The following USP34 variants were observed in gnomAD, a reference collection of about 807,000 sequenced individuals.
USP34 encodes the protein ubiquitin carboxyl-terminal hydrolase 34.
A neutral mutation model predicts 460.3 loss-of-function variants in USP34; 70 were observed. That is an observed-to-expected ratio of 0.15 (90% CI 0.13 to 0.19). The LOEUF is 0.19. Among genes scored for constraint, USP34 ranks in the 10% least tolerant of loss-of-function variants. The pLI is 1.00. For synonymous variants in USP34, 1,647 were observed against 1,405.3 expected, an observed-to-expected ratio of 1.17 and a Z score of -3.85; for missense variants, 3,985 against 4,236.2, an observed-to-expected ratio of 0.94 and a Z score of 1.65.
At chr2:61,382,727 T>A (rs942315613) in intron 6 of USP34, among the ~76,000 whole-genome samples, 1 of 152,214 alleles carries the variant, frequency 6.6e-6, no homozygotes, top group African/African-American at 2.4e-5. Flanking sequence ...TCCATCTTCT[T>A]AGGCTTCCTT....
intron 2 of USP34, among the ~76,000 whole-genome samples, chr2:61,414,234 G>GA (rs1694130604): frequency 6.6e-6 from 1 of 151,356 alleles, no homozygotes; most frequent in African/African-American, 2.4e-5. Context: ...GGCTACAGAG[G>GA]GAGACTCCAT....
intron 2 of USP34, among the ~76,000 whole-genome samples, chr2:61,413,769 G>A (rs1195179141): frequency 6.8e-6 from 1 of 146,448 alleles, no homozygotes; most frequent in African/African-American, 2.6e-5. Flanking sequence ...CCTGAGCTCA[G>A]GAGCTCGAGC....
chr2:61,370,925 G>C (rs1692603694), intron 8 of USP34, among the ~76,000 whole-genome samples: 1 of 152,166 alleles, frequency 6.6e-6, no homozygotes, highest in Admixed American at 6.5e-5. Context: ...ACTCAGGAAA[G>C]GTTTCCCAGT....
At chr2:61,349,977 CTTGT>C (rs530951126) in intron 12 of USP34, among the ~76,000 whole-genome samples, 110 of 152,058 alleles carry the variant, frequency 7.2e-4, no homozygotes, top group African/African-American at 1.8e-3. Flanking sequence ...TGAAACAAAA[CTTGT>C]TTGTTTACAA....
rs1316902709 is a variant in USP34 at position 61,350,307 on chromosome 2, G to C, written c.1460C>G (p.Ser487Cys). 4 of 1,612,278 alleles carry C rather than the reference G, an allele frequency of 2.5e-6. No homozygotes were observed. The Admixed American group carries it at 6.7e-5, about 27-fold the overall frequency. The change falls in exon 12 of 80, where the codon TCT becomes TGT. Residue 487 changes from serine to cysteine, a missense_variant. Physicochemically the swap from Ser to Cys is moderately radical, Grantham distance 112. Around this residue, in one of 14 missense-constraint regions of USP34, gnomAD observed 716 missense variants for 626.2 expected, o/e 1.14. Coordinates refer to ENST00000398571, the MANE Select transcript of USP34 (RefSeq NM_014709.4). Reference protein sequence around the residue: ...AAKAQLSKQSSFASLLNTNIP... With the variant: ...AAKAQLSKQSCFASLLNTNIP... ...ATTAGTATTTAATAAAGATGCAAAA[G>C]AACTCTGTTTAGATAACTGAGCCTT...
chr2:61,394,120 C>G (rs1321715746), intron 5 of USP34, among the ~76,000 whole-genome samples: 1 of 151,852 alleles, frequency 6.6e-6, no homozygotes, highest in Admixed American at 6.6e-5. Context: ...GACTCCGTGT[C>G]AAAAAAATAA....
rs755986399 is a variant in USP34, at chr2:61,228,630, T to C, written c.7443+15A>G. The C allele has an allele frequency of 1.8e-5, 29 of 1,605,062 alleles. No individual in the cohort carries two copies. The highest frequency in any genetic ancestry group is 1.7e-4 in the Middle Eastern group (1 of 6,044). ...AGAGCCTCTAATACCTAATGTACGA[T>C]AGAACTGTACTTACATTTTCAGGTC... On this transcript the variant is annotated intron_variant, in intron 61 of 79. Transcript: ENST00000398571.
At chr2:61,287,840 G>A (rs1199781904) in intron 34 of USP34, among the ~76,000 whole-genome samples, 1 of 152,010 alleles carries the variant, frequency 6.6e-6, no homozygotes, top group Non-Finnish European at 1.5e-5. Context: ...CTGTATGGAG[G>A]GTCAGCATCC....
chr2:61,392,525 G>A (rs1163319629), intron 5 of USP34, among the ~76,000 whole-genome samples: 1 of 152,126 alleles, frequency 6.6e-6, no homozygotes, highest in African/African-American at 2.4e-5. Context: ...TAGGGAGGCT[G>A]AGGCAGGACA....
At chr2:61,312,661 G>C (rs543152570) in intron 25 of USP34, among the ~76,000 whole-genome samples, 1 of 152,204 alleles carries the variant, frequency 6.6e-6, no homozygotes. Flanking sequence ...ACATATTCAA[G>C]ACCAGAGTTT....
intron 18 of USP34, 130 bp downstream of exon 18, chr2:61,339,221 T>G: frequency 1.1e-6 from 1 of 897,628 alleles, no homozygotes; most frequent in Admixed American, 3.5e-5. Context: ...ATGAAAACTA[T>G]AATTACTAAA....
intron 10 of USP34, among the ~76,000 whole-genome samples, chr2:61,362,181 A>C (rs1461966688): frequency 1.3e-5 from 2 of 152,204 alleles, no homozygotes; most frequent in East Asian, 3.8e-4. Context: ...AATGTGGAGA[A>C]ATGGGAATCC....
At chr2:61,369,071 AACTC>A (rs979685540) in intron 10 of USP34, among the ~76,000 whole-genome samples, 1 of 152,240 alleles carries the variant, frequency 6.6e-6, no homozygotes, top group Non-Finnish European at 1.5e-5. Flanking sequence ...AAGATTTGCA[AACTC>A]ACTCATGATA....
At chr2:61,194,046 G>T in intron 75 of USP34, 1 of 869,936 alleles carries the variant, frequency 1.1e-6, no homozygotes, top group Non-Finnish European at 1.4e-6. Context: ...TAGCTAGCAG[G>T]TAGCCATGGT....
intron 23 of USP34, among the ~76,000 whole-genome samples, chr2:61,315,575 A>G (rs1558526045): frequency 1.3e-5 from 2 of 151,944 alleles, no homozygotes; most frequent in African/African-American, 2.4e-5. Flanking sequence ...GGGTTTCACC[A>G]TGTTGGCCAG....
intron 51 of USP34, among the ~76,000 whole-genome samples, chr2:61,244,884 A>G (rs1487769019): frequency 1.3e-5 from 2 of 152,184 alleles, no homozygotes; most frequent in Non-Finnish European, 2.9e-5. Context: ...GTCAGTAAAC[A>G]GTAATTTCTC....
At chr2:61,208,269 C>T (rs1318794913) in intron 70 of USP34, 1 of 152,252 alleles carries the variant, frequency 6.6e-6, no homozygotes, top group East Asian at 1.9e-4. Flanking sequence ...ATCTGTCTCT[C>T]ACATACCTGT....
intron 34 of USP34, among the ~76,000 whole-genome samples, chr2:61,288,284 CCTT>C (rs1465873933): frequency 7.2e-5 from 11 of 152,166 alleles, no homozygotes; most frequent in African/African-American, 2.4e-4. Flanking sequence ...ATAAATGGCT[CCTT>C]ATCTGGCTTA....
At chr2:61,281,281 G>C in intron 37 of USP34, 39 bp from the exon 38 acceptor site, 2 of 1,585,834 alleles carry the variant, frequency 1.3e-6, no homozygotes, top group Non-Finnish European at 8.6e-7. Context: ...GTGAGAGTTA[G>C]TATTACAAAG....
Sources: gnomAD v4.1 joint callset for allele counts (sites outside exome capture counted in the v4.1 genomes callset) on GRCh38, gnomAD v4.1.1 for gene constraint, gnomAD v4.1.1 regional missense constraint, MANE v1.5 for transcripts, NCBI Gene and HGNC (gene_info 2026-07-23, HGNC 2026-07-21) for gene names.